The following MACROD2 variants were observed in gnomAD, a reference collection of about 807,000 sequenced individuals.
MACROD2 encodes the protein mono-ADP ribosylhydrolase 2.
Under a neutral mutation model 70.4 loss-of-function variants are expected in MACROD2, and 36 were observed. The ratio of observed to expected loss-of-function variants is 0.51; its 90% CI spans 0.39 to 0.68. MACROD2 has a LOEUF of 0.68. Among genes scored for constraint, MACROD2 ranks in the 30% least tolerant of loss-of-function variants. The pLI is 0.00. For missense variants in MACROD2, 496 were observed against 538.4 expected, an observed-to-expected ratio of 0.92 and a Z score of 0.78; for synonymous variants, 172 against 178.8, an observed-to-expected ratio of 0.96 and a Z score of 0.30.
intron 4 of MACROD2, among the ~76,000 whole-genome samples, chr20:14,648,081 G>A (rs755496175): frequency 3.3e-5 from 5 of 152,084 alleles, no homozygotes; most frequent in African/African-American, 4.8e-5. Context: ...AATACGGATG[G>A]TGGGTGACTG....
chr20:15,345,228 T>G (rs6131665), intron 6 of MACROD2, among the ~76,000 whole-genome samples: 26,153 of 152,198 alleles, frequency 0.17, 2,602 homozygotes, highest in Non-Finnish European at 0.23. Context: ...ATGACATAGT[T>G]ATTTAGGCTG....
At chr20:14,128,781 G>C (rs934129216) in intron 3 of MACROD2, among the ~76,000 whole-genome samples, 8 of 152,048 alleles carry the variant, frequency 5.3e-5, no homozygotes, top group Admixed American at 2.6e-4. Context: ...AAATCCTAGG[G>C]CCCTTAATAT....
intron 8 of MACROD2, among the ~76,000 whole-genome samples, chr20:15,773,011 G>C (rs114247307): frequency 6.6e-6 from 1 of 152,098 alleles, no homozygotes; most frequent in East Asian, 1.9e-4. Flanking sequence ...TACAGAGACA[G>C]ACCATATCAG....
rs60802570 is a variant in MACROD2 at position 14,291,619 on chromosome 20, T to C, written c.272-201860T>C. Among the ~76,000 whole-genome samples the C allele has an allele frequency of 2.0e-4, 31 of 152,034 alleles. 2 individuals are homozygous for C. Among genetic ancestry groups the C allele is most frequent in the African/African-American group, 7.3e-4 (30 of 41,360 alleles). ...GGCTCATGTTTTCATGATCAACAAG[T>C]TGAAAATCTTGAAGGGCAGAAAGTA... On this transcript the variant is annotated intron_variant, in intron 3 of 17. Coordinates refer to ENST00000684519, the MANE Select transcript of MACROD2 (RefSeq NM_001351661.2).
intron 9 of MACROD2, among the ~76,000 whole-genome samples, chr20:15,880,447 C>T (rs6080006): frequency 0.16 from 23,943 of 151,290 alleles, 2,048 homozygotes; most frequent in South Asian, 0.29. Context: ...GTTGGGGCGG[C>T]GGGGGTGTGG....
intron 5 of MACROD2, among the ~76,000 whole-genome samples, chr20:15,093,383 T>C (rs997324446): frequency 5.9e-5 from 9 of 152,194 alleles, no homozygotes; most frequent in African/African-American, 2.2e-4. Flanking sequence ...TGTCCTTTTG[T>C]GATATCTTGC....
At chr20:15,037,236 G>C (rs906062246) in intron 5 of MACROD2, among the ~76,000 whole-genome samples, 5 of 152,122 alleles carry the variant, frequency 3.3e-5, no homozygotes, top group African/African-American at 1.2e-4. Flanking sequence ...TAAGTCAGTT[G>C]CCGCCTTGGG....
At chr20:14,200,947 T>A (rs2081474297) in intron 3 of MACROD2, among the ~76,000 whole-genome samples, 1 of 34,270 alleles carries the variant, frequency 2.9e-5, no homozygotes, top group African/African-American at 8.0e-5. Context: ...TTGCTGGTAA[T>A]GTTTTTTTTT....
At chr20:15,227,946 C>A (rs768305814) in intron 5 of MACROD2, among the ~76,000 whole-genome samples, 24 of 143,948 alleles carry the variant, frequency 1.7e-4, no homozygotes, top group Admixed American at 1.1e-3. Flanking sequence ...ATTTTTCTGT[C>A]ATTTGTATCC....
intron 15 of MACROD2, among the ~76,000 whole-genome samples, chr20:16,027,113 TCTC>T (rs2067091720): frequency 2.1e-5 from 3 of 142,296 alleles, no homozygotes. Context: ...TTTGGAAACT[TCTC>T]CTAGTAGGAA....
chr20:14,607,645 A>G (rs868199177), intron 4 of MACROD2, among the ~76,000 whole-genome samples: 2 of 152,150 alleles, frequency 1.3e-5, no homozygotes, highest in Admixed American at 6.5e-5. Context: ...TCCATTAACG[A>G]TACTTAATAC....
intron 8 of MACROD2, among the ~76,000 whole-genome samples, chr20:15,793,876 T>C (rs2063648499): frequency 6.8e-6 from 1 of 147,390 alleles, no homozygotes; most frequent in Non-Finnish European, 1.5e-5. Context: ...ATATTAAGAA[T>C]GGGGATTTAC....
intron 4 of MACROD2, among the ~76,000 whole-genome samples, chr20:14,683,090 G>A (rs2070954363): frequency 6.6e-6 from 1 of 152,016 alleles, no homozygotes; most frequent in South Asian, 2.1e-4. Context: ...TGTTGGTCAG[G>A]CTGGTCTCGA....
intron 5 of MACROD2, among the ~76,000 whole-genome samples, chr20:15,186,084 G>A (rs1458695959): frequency 6.6e-6 from 1 of 152,126 alleles, no homozygotes; most frequent in Non-Finnish European, 1.5e-5. Flanking sequence ...CTGAAAACCT[G>A]CCTTTATGCT....
At position 15,281,105 on chromosome 20, in the gene MACROD2, C is replaced by G. The variant is rs113246392; in HGVS notation, c.540+51044C>G. Among the ~76,000 whole-genome samples the G allele has an allele frequency of 8.2e-3, 1,252 of 152,304 alleles. 13 individuals are homozygous for G. Among genetic ancestry groups the G allele is most frequent in the African/African-American group, 0.028 (1,158 of 41,570 alleles). On this transcript the variant is annotated intron_variant, in intron 6 of 17. Transcript: ENST00000684519. ...AAAACTGTCAGATCTTGTGAGAACT[C>G]ACTCACTATCACAAGAACAGTGTGG... is the stretch of plus-strand genomic sequence containing the variant.
intron 7 of MACROD2, among the ~76,000 whole-genome samples, chr20:15,484,440 G>T (rs1669536346): frequency 6.6e-6 from 1 of 152,126 alleles, no homozygotes; most frequent in Non-Finnish European, 1.5e-5. Flanking sequence ...TTTAGGTGGG[G>T]CAAGAGGGCT....
At chr20:15,546,639 A>G (rs898186736) in intron 8 of MACROD2, among the ~76,000 whole-genome samples, 1 of 152,216 alleles carries the variant, frequency 6.6e-6, no homozygotes, top group Non-Finnish European at 1.5e-5. Context: ...ATCAATGCAA[A>G]GGTGAGGGAG....
chr20:16,014,079 G>A (rs1872241017), intron 15 of MACROD2, among the ~76,000 whole-genome samples: 1 of 152,190 alleles, frequency 6.6e-6, no homozygotes, highest in African/African-American at 2.4e-5. Flanking sequence ...TGCACATCAA[G>A]GGTTTCTTTT....
intron 5 of MACROD2, among the ~76,000 whole-genome samples, chr20:14,830,199 G>A (rs2072948760): frequency 6.6e-6 from 1 of 152,068 alleles, no homozygotes; most frequent in African/African-American, 2.4e-5. Flanking sequence ...GGTTCATTAA[G>A]GTTTAAAGAG....
Sources: allele counts gnomAD v4.1 joint callset (sites outside exome capture counted in the v4.1 genomes callset), GRCh38; gene constraint gnomAD v4.1.1; transcripts MANE v1.5; gene names NCBI Gene and HGNC (gene_info 2026-07-23, HGNC 2026-07-21).